Variants in FCAMR observed in about 807,000 individuals in gnomAD.
FCAMR encodes the protein Fc alpha and mu receptor.
Under a neutral mutation model 52.2 loss-of-function variants are expected in FCAMR, and 51 were observed. The ratio of observed to expected loss-of-function variants is 0.98; its 90% CI spans 0.78 to 1.23. The LOEUF is 1.23. FCAMR is among the 50% of genes most tolerant of loss of function. The pLI is 0.00. For missense variants in FCAMR, 719 were observed against 712.6 expected, an observed-to-expected ratio of 1.01 and a Z score of -0.10; for synonymous variants, 282 against 262.0, an observed-to-expected ratio of 1.08 and a Z score of -0.74.
intron 4 of FCAMR, among the ~76,000 whole-genome samples, chr1:206,965,124 A>T (rs6540740): frequency 0.56 from 85,933 of 152,142 alleles, 26,553 homozygotes; most frequent in African/African-American, 0.84. Flanking sequence ...TTGTGCATAT[A>T]TGCAATATTC....
rs1343239716 is a variant in FCAMR at position 206,962,519 on chromosome 1, A to C, written c.346T>G (p.Ser116Ala). ...GTGACAGCTCCTCCAGGCTCCCCTG[A>C]CACCAGCCTTGAGCCCTTCAATGAA... ...PNSLKGSRLV[S>A]GEPGGAVTIQ... Residue 116 changes from serine to alanine, a missense_variant, in exon 5 of 8, where the codon TCA becomes GCA. Physicochemically the swap from Ser to Ala is moderately conservative, Grantham distance 99. Coordinates refer to ENST00000324852, the MANE Select transcript of FCAMR (RefSeq NM_001170631.2). The C allele has an allele frequency of 6.3e-7, 1 of 1,595,370 alleles. No individual in the cohort carries two copies. The highest frequency in any genetic ancestry group is 1.3e-5 in the African/African-American group (1 of 74,562).
chr1:206,970,534 G>A (rs1382428459), upstream of FCAMR: 1 of 156,088 alleles, frequency 6.4e-6, no homozygotes, highest in Non-Finnish European at 1.4e-5. Context: ...CCGGACAAGT[G>A]ATGCAACAAC....
chr1:206,962,646 C>T (rs11119925), intron 4 of FCAMR, 95 bp from the exon 5 acceptor site: 295,554 of 1,039,356 alleles, frequency 0.28, 48,994 homozygotes, highest in African/African-American at 0.66. Flanking sequence ...AATTAGGGGT[C>T]AAGTCAGAAA....
intron 1 of FCAMR, 47 bp from the exon 2 acceptor site, chr1:206,967,698 T>C: frequency 6.4e-7 from 1 of 1,572,678 alleles, no homozygotes; most frequent in Non-Finnish European, 8.8e-7. Context: ...GATTTCTGTT[T>C]CACTGTTAGT....
At chr1:206,959,985 C>T in intron 6 of FCAMR, 188 bp from the exon 7 acceptor site, 1 of 582,144 alleles carries the variant, frequency 1.7e-6, no homozygotes, top group Non-Finnish European at 3.1e-6. Context: ...GGCTTCCAAG[C>T]CTGAATCCTT....
Position 206,960,451 on chromosome 1 carries a change from TC to T in FCAMR, c.1424del (p.Gly475AspfsTer9). 1 of 1,514,734 alleles carries T rather than the reference TC, an allele frequency of 6.6e-7. No homozygotes were observed. Among genetic ancestry groups the T allele is most frequent in the Admixed American group, 2.2e-5 (1 of 45,930 alleles). The allele number at this position is 1,514,734 out of a possible 1,614,324, so 93.8% of individuals were successfully genotyped here. On this transcript the variant is annotated frameshift_variant, in exon 6 of 8. Coordinates refer to ENST00000324852, the MANE Select transcript of FCAMR (RefSeq NM_001170631.2). LOFTEE classifies it high-confidence loss of function. ...LSQTPAVGPW[G>X]PPGKESSVKR... ...TCACGGAGGACTCCTTGCCAGGGGG[TC>T]CCCAGGGTCCTACTGCCGGGGTCTG... is the stretch of plus-strand genomic sequence containing the variant.
In FCAMR at chr1:206,963,492, G is replaced by A. The variant is rs540044455; in HGVS notation, c.314-941C>T. Among the ~76,000 whole-genome samples, 15 of 152,168 alleles carry A rather than the reference G, an allele frequency of 9.9e-5. 1 individual carries two copies. Among genetic ancestry groups the A allele is most frequent in the South Asian group, 6.2e-4 (3 of 4,812 alleles). On this transcript the variant is annotated intron_variant, in intron 4 of 7. Coordinates refer to ENST00000324852, the MANE Select transcript of FCAMR (RefSeq NM_001170631.2). ...ATCTCATGTATAGTAGCTTTCTTTC[G>A]TAATTTCTCATGGATAATAAAGAGC...
intron 4 of FCAMR, among the ~76,000 whole-genome samples, chr1:206,965,273 GGT>G (rs1196314357): frequency 6.6e-6 from 1 of 152,076 alleles, no homozygotes; most frequent in East Asian, 1.9e-4. Flanking sequence ...AGCAGGATGG[GGT>G]GGTCTTACTT....
chr1:206,965,051 A>C (rs558129145), intron 4 of FCAMR, among the ~76,000 whole-genome samples: 4 of 152,328 alleles, frequency 2.6e-5, no homozygotes, highest in Non-Finnish European at 4.4e-5. Flanking sequence ...ACGTTTCATT[A>C]AACAACACAC....
chr1:206,961,087 G>A lies in FCAMR; in HGVS notation c.789C>T (p.Asp263=), dbSNP rs920015755. ...TQTLGQGTAW[D]TVASTPGTSK... ...TGGTTCCTGGAGTGGAAGCAACTGTGTCCCATGCTGTCCCCTGTCCTAAGG... is the reference window on the plus strand; with the variant it reads ...TGGTTCCTGGAGTGGAAGCAACTGTATCCCATGCTGTCCCCTGTCCTAAGG... The change falls in exon 6 of 8, where the codon GAC becomes GAT. Residue 263 remains aspartate, a synonymous_variant. Transcript: ENST00000324852. The A allele has an allele frequency of 2.6e-6, 4 of 1,551,742 alleles. No homozygotes were observed. The African/African-American group carries it at 4.1e-5, about 16-fold the overall frequency.
At chr1:206,965,983 T>C (rs1013111395) in intron 3 of FCAMR, 125 bp from the exon 4 acceptor site, 1 of 1,340,066 alleles carries the variant, frequency 7.5e-7, no homozygotes. Context: ...AGGCCATCCA[T>C]CAAGTAAGAG....
chr1:206,970,277 G>A lies in FCAMR; in HGVS notation c.-152C>T. 1.3e-6 allele frequency: 1 copy of A among 744,486 alleles called. No homozygotes were observed. The highest frequency in any genetic ancestry group is 1.8e-5 in the South Asian group (1 of 55,690). 46.1% of individuals were successfully genotyped at this position (744,486 alleles called of 1,614,324 possible). A position where few individuals can be genotyped will look rare whatever the true frequency, so the allele number is the denominator to read the frequency against. On this transcript the variant is annotated 5_prime_UTR_variant, in exon 1 of 8. Transcript: ENST00000324852. Reference sequence around the variant, plus strand: ...GCTGGAGCTAGCAACGGAAGGTCGGGGTGCAAGGCGTAGCTCTGCCACTCA... The same window carrying A: ...GCTGGAGCTAGCAACGGAAGGTCGGAGTGCAAGGCGTAGCTCTGCCACTCA...
At chr1:206,969,280 A>G in intron 1 of FCAMR, 1 of 456,376 alleles carries the variant, frequency 2.2e-6, no homozygotes, top group South Asian at 1.6e-5. Flanking sequence ...TCAGGGAGAA[A>G]AGCCGGCTCC....
Position 206,959,802 on chromosome 1 carries a change from A to T in FCAMR, c.1455-5T>A, listed in dbSNP as rs754866459. 6.2e-7 allele frequency: 1 copy of T among 1,609,378 alleles called. No homozygotes were observed. The highest frequency in any genetic ancestry group is 8.5e-7 in the Non-Finnish European group (1 of 1,175,786). On this transcript the variant is annotated splice_polypyrimidine_tract_variant and splice_region_variant and intron_variant, in intron 6 of 7. Transcript: ENST00000324852. ...CTTTCATCTTCTGGAAAAGTACTAC[A>T]GTGGGGGTGGAAAGAGCACAGGGGA...
intron 4 of FCAMR, among the ~76,000 whole-genome samples, chr1:206,964,488 A>C (rs1578279): frequency 0.57 from 86,530 of 151,682 alleles, 27,172 homozygotes; most frequent in African/African-American, 0.86. Context: ...GGGGAGGATC[A>C]GTCATGAATG....
intron 3 of FCAMR, 23 bp downstream of exon 3, chr1:206,967,029 C>T: frequency 6.2e-7 from 1 of 1,613,232 alleles, no homozygotes; most frequent in Non-Finnish European, 8.5e-7. Context: ...AAGCCCTGAA[C>T]CTGGGCTGGG....
In FCAMR at chr1:206,960,736, A is replaced by G. The variant is rs770519640; in HGVS notation, c.1140T>C (p.Ala380=). The G allele has an allele frequency of 6.4e-7, 1 of 1,552,366 alleles. No individual in the cohort carries two copies. The highest frequency in any genetic ancestry group is 1.2e-5 in the South Asian group (1 of 84,054). The change falls in exon 6 of 8, where the codon GCT becomes GCC. Residue 380 remains alanine (A), a synonymous_variant. Transcript: ENST00000324852. ...KKVLGTIGPP[A]LVSETLAWEI... ...CCCAGGCCAAAGTTTCTGAGACCAG[A>G]GCTGGTGGCCCAATGGTTCCTAGGA...
In FCAMR at chr1:206,959,705, T is replaced by A. The variant is rs1298413072; in HGVS notation, c.1547A>T (p.Gln516Leu). The A allele has an allele frequency of 6.2e-7, 1 of 1,613,910 alleles. No individual in the cohort carries two copies. The highest frequency in any genetic ancestry group is 8.5e-7 in the Non-Finnish European group (1 of 1,179,990). Reference protein sequence around the residue: ...LFMLMALVLLQRKLWRRRTSQ... With the variant: ...LFMLMALVLLLRKLWRRRTSQ... The stretch of plus-strand genomic sequence containing the variant: ...GGTCCTCCTTCTCCAGAGCTTCCTT[T>A]GCAATAGAACCAGAGCCATAAGCAT... The change falls in exon 7 of 8, where the codon CAA (glutamine) becomes CTA (leucine). Residue 516 changes from glutamine (Q) to leucine (L), a missense_variant. Transcript: ENST00000324852.
rs537370275 is a variant in FCAMR, at chr1:206,970,076, C to T, written c.39+11G>A. 5 of 1,614,034 alleles carry T rather than the reference C, an allele frequency of 3.1e-6. No homozygotes were observed. In the African/African-American group the frequency reaches 4.0e-5, roughly 13 times the overall value. On this transcript the variant is annotated intron_variant, in intron 1 of 7. Coordinates refer to ENST00000324852, the MANE Select transcript of FCAMR (RefSeq NM_001170631.2). The stretch of plus-strand genomic sequence containing the variant: ...CAAGATCCCAACCTCCAGGAGAAAG[C>T]ATCATTTCACCTTTTGTTCTCCAGG...
Sources: allele counts gnomAD v4.1 joint callset (sites outside exome capture counted in the v4.1 genomes callset), GRCh38; gene constraint gnomAD v4.1.1; transcripts MANE v1.5; gene names NCBI Gene and HGNC (gene_info 2026-07-23, HGNC 2026-07-21).